The following CLCN7 variants were observed in gnomAD, a reference collection of about 807,000 sequenced individuals.
CLCN7 encodes H(+)/Cl(-) exchange transporter 7.
Under a neutral mutation model 102.1 loss-of-function variants are expected in CLCN7, and 60 were observed. The observed-to-expected ratio is 0.59, with a 90% confidence interval of 0.48 to 0.73. The LOEUF is 0.73. CLCN7 is among the 30% of genes least tolerant of loss of function. The pLI is 0.00. For synonymous variants in CLCN7, 560 were observed against 490.5 expected, an observed-to-expected ratio of 1.14 and a Z score of -1.87; for missense variants, 962 against 1,125.7, an observed-to-expected ratio of 0.85 and a Z score of 2.08.
chr16:1,454,866 C>T (rs577148552), intron 12 of CLCN7, among the ~76,000 whole-genome samples: 1 of 152,354 alleles, frequency 6.6e-6, no homozygotes, highest in South Asian at 2.1e-4. Context: ...GGCTGCTGCA[C>T]GTGCCCCCAG....
At chr16:1,447,143 C>T (rs763999154) in intron 23 of CLCN7, 57 bp from the exon 24 acceptor site, 1 of 1,484,510 alleles carries the variant, frequency 6.7e-7, no homozygotes, top group Non-Finnish European at 9.1e-7. Context: ...AGGCGGGACC[C>T]TCACCCAAGC....
chr16:1,452,951 G>C (rs980501018), intron 14 of CLCN7, 58 bp from the exon 15 acceptor site: 2 of 1,549,160 alleles, frequency 1.3e-6, no homozygotes, highest in African/African-American at 2.7e-5. Context: ...CCCTCCGCAG[G>C]CCCCATGGCA....
chr16:1,466,987 G>T (rs930895012), intron 1 of CLCN7, among the ~76,000 whole-genome samples: 1 of 142,250 alleles, frequency 7.0e-6, no homozygotes, highest in African/African-American at 2.6e-5. Context: ...GCCCTCCAGG[G>T]ACCCCTTCCC....
intron 15 of CLCN7, chr16:1,451,989 C>A: frequency 2.2e-6 from 1 of 452,990 alleles, no homozygotes; most frequent in Non-Finnish European, 4.2e-6. Flanking sequence ...GTTAGCAGGA[C>A]CATGGGCTGA....
chr16:1,450,601 AG>A lies in CLCN7; in HGVS notation c.1512del (p.Tyr505ThrfsTer45). 6.2e-7 allele frequency: 1 copy of A among 1,612,616 alleles called. No homozygotes were observed. Among genetic ancestry groups the A allele is most frequent in the Non-Finnish European group, 8.5e-7 (1 of 1,179,794 alleles). ...ACCCCGGCAGACACCGTGAGCCCGT[AG>A]GTCCAGCAGGCCAGGAAGAAGTAGA... ...TLVYFFLACWTYGLTVSAGVF... is the reference protein window; with the variant it reads ...TLVYFFLACWXYGLTVSAGVF... On this transcript the variant is annotated frameshift_variant, in exon 17 of 25. Coordinates refer to ENST00000382745, the MANE Select transcript of CLCN7 (RefSeq NM_001287.6). LOFTEE classifies it high-confidence loss of function.
chr16:1,460,871 G>C lies in CLCN7; in HGVS notation c.429C>G (p.Phe143Leu), dbSNP rs535022444. The stretch of plus-strand genomic sequence containing the variant: ...CCAGGTTTTCCACCACGATGTCAAT[G>C]AAGCAGGCCACGAGGCCCGTGAGGA... ...IGILTGLVACFIDIVVENLAG... is the reference protein window; with the variant it reads ...IGILTGLVACLIDIVVENLAG... The change falls in exon 5 of 25, where the codon TTC becomes TTG. Residue 143 changes from phenylalanine (F) to leucine (L), a missense_variant. Around this residue, in one of 2 missense-constraint regions of CLCN7, gnomAD observed 799 missense variants for 988.0 expected, o/e 0.81. Coordinates refer to ENST00000382745, the MANE Select transcript of CLCN7 (RefSeq NM_001287.6). The C allele has an allele frequency of 6.2e-7, 1 of 1,614,070 alleles. No homozygotes were observed. The highest frequency in any genetic ancestry group is 2.2e-5 in the East Asian group (1 of 44,884).
chr16:1,472,176 G>C (rs2039087589), intron 1 of CLCN7, among the ~76,000 whole-genome samples: 2 of 152,268 alleles, frequency 1.3e-5, no homozygotes, highest in South Asian at 4.1e-4. Context: ...TGTAAGCAGA[G>C]TATCCGCTGT....
In CLCN7 at chr16:1,449,313, G is replaced by C. The variant is rs770378352; in HGVS notation, c.1632C>G (p.Pro544=). 3 of 1,586,998 alleles carry C rather than the reference G, an allele frequency of 1.9e-6. No homozygotes were observed. In the South Asian group the frequency reaches 3.4e-5, roughly 18 times the overall value. Residue 544 remains proline (P), a synonymous_variant, in exon 18 of 25, where the codon CCC becomes CCG. Coordinates refer to ENST00000382745, the MANE Select transcript of CLCN7 (RefSeq NM_001287.6). Reference sequence around the variant, plus strand: ...CAGCTCCCATCAGGGCGTATTTGCCGGGGTCCGCCCAGATCTGTGGGAGGT... The same window carrying C: ...CAGCTCCCATCAGGGCGTATTTGCCCGGGTCCGCCCAGATCTGTGGGAGGT... ...YLTGAAIWAD[P]GKYALMGAAA...
At chr16:1,448,637 C>T (rs2038692681) in intron 20 of CLCN7, 44 bp downstream of exon 20, 2 of 1,609,052 alleles carry the variant, frequency 1.2e-6, no homozygotes, top group African/African-American at 2.7e-5. Flanking sequence ...CAACAAGAGG[C>T]CGCTGGACAC....
chr16:1,469,039 GAAAAAA>G (rs58295150), intron 1 of CLCN7, among the ~76,000 whole-genome samples: 1 of 118,630 alleles, frequency 8.4e-6, no homozygotes, highest in African/African-American at 3.0e-5. Context: ...TAAAAAAAAC[GAAAAAA>G]AAAAAAAAAA....
Position 1,446,562 on chromosome 16 carries a change from T to G in CLCN7, c.*69A>C, listed in dbSNP as rs886660784. On this transcript the variant is annotated 3_prime_UTR_variant, in exon 25 of 25. Coordinates refer to ENST00000382745, the MANE Select transcript of CLCN7 (RefSeq NM_001287.6). ...AGCATGGTTTGGGCCGAGAAACCAGTGACTCCGGGAGGAAATGCAGAAGGG... is the reference window on the plus strand; with the variant it reads ...AGCATGGTTTGGGCCGAGAAACCAGGGACTCCGGGAGGAAATGCAGAAGGG... The G allele has an allele frequency of 1.5e-5, 20 of 1,376,800 alleles. No homozygotes were observed. Among genetic ancestry groups the G allele is most frequent in the Non-Finnish European group, 1.8e-5 (18 of 989,568 alleles). The allele number at this position is 1,376,800 out of a possible 1,614,324, so 85.3% of individuals were successfully genotyped here. A position where few individuals can be genotyped will look rare whatever the true frequency, so the allele number is the denominator to read the frequency against.
At chr16:1,453,740 C>T (rs2038790036) in intron 14 of CLCN7, 94 bp downstream of exon 14, 2 of 1,180,572 alleles carry the variant, frequency 1.7e-6, no homozygotes, top group Non-Finnish European at 1.3e-6. Flanking sequence ...TCGGCTGTGG[C>T]CTAGGAGTGT....
At chr16:1,455,477 G>T in intron 11 of CLCN7, 3 of 646,522 alleles carry the variant, frequency 4.6e-6, no homozygotes, top group Non-Finnish European at 2.8e-6. Context: ...GGGGAAGGTG[G>T]GGCAGGGCTG....
At chr16:1,468,771 C>G (rs2745002) in intron 1 of CLCN7, among the ~76,000 whole-genome samples, 58,620 of 151,926 alleles carry the variant, frequency 0.39, 12,031 homozygotes, top group Non-Finnish European at 0.45. Flanking sequence ...ACGCATTGCA[C>G]CGACACTCTC....
rs574183896 is a variant in CLCN7 at position 1,471,225 on chromosome 16, A to T, written c.141+3609T>A. ...CTGCCCTGCCCAGGGCAGCCACCTC[A>T]TAGTGTTTGGCCAGCTGTGCCCACG... On this transcript the variant is annotated intron_variant, in intron 1 of 24. Coordinates refer to ENST00000382745, the MANE Select transcript of CLCN7 (RefSeq NM_001287.6). Among the ~76,000 whole-genome samples, 5 of 152,238 alleles carry T rather than the reference A, an allele frequency of 3.3e-5. No individual in the cohort carries two copies. In the South Asian group the frequency reaches 1.0e-3, roughly 32 times the overall value.
At chr16:1,468,735 C>A (rs187479351) in intron 1 of CLCN7, among the ~76,000 whole-genome samples, 1 of 133,628 alleles carries the variant, frequency 7.5e-6, no homozygotes, top group African/African-American at 2.8e-5. Flanking sequence ...GCCTGCACCC[C>A]CTTCCTGGTG....
At chr16:1,462,664 C>T (rs1176090338) in intron 2 of CLCN7, among the ~76,000 whole-genome samples, 1 of 36,360 alleles carries the variant, frequency 2.8e-5, no homozygotes, top group Non-Finnish European at 5.1e-5. Flanking sequence ...TAAAAAAAAG[C>T]CAAAAAAAAA....
At chr16:1,468,835 T>C (rs966119498) in intron 1 of CLCN7, among the ~76,000 whole-genome samples, 1 of 151,992 alleles carries the variant, frequency 6.6e-6, no homozygotes, top group Admixed American at 6.6e-5. Flanking sequence ...GGAAACTCGG[T>C]GAAGGGTACA....
rs1292582374 is a variant in CLCN7, at chr16:1,446,469, G to A, written c.*162C>T. ...GCCCACAACAGGGTCAGTCCCGCGA[G>A]AGGGTCAGTTCCGCGCCTGCCGCCT... On this transcript the variant is annotated 3_prime_UTR_variant, in exon 25 of 25. Transcript: ENST00000382745. 3 of 725,232 alleles carry A rather than the reference G, an allele frequency of 4.1e-6. No homozygotes were observed. Among genetic ancestry groups the A allele is most frequent in the Non-Finnish European group, 7.4e-6 (3 of 405,262 alleles). 44.9% of individuals were successfully genotyped at this position (725,232 alleles called of 1,614,324 possible).
Sources: allele counts gnomAD v4.1 joint callset (sites outside exome capture counted in the v4.1 genomes callset), GRCh38; gene constraint gnomAD v4.1.1; regional missense constraint gnomAD v4.1.1; transcripts MANE v1.5; gene names NCBI Gene and HGNC (gene_info 2026-07-23, HGNC 2026-07-21).